Variants in PTPRT observed in about 807,000 individuals in gnomAD.
PTPRT encodes receptor-type tyrosine-protein phosphatase T.
In PTPRT, 56 loss-of-function variants were observed where a neutral mutation model predicts 176.8. The observed-to-expected ratio is 0.32, with a 90% confidence interval of 0.26 to 0.40. The LOEUF (loss-of-function observed/expected upper bound fraction) is 0.40, where lower values mean the gene tolerates loss of function less well. PTPRT is among the 10% of genes least tolerant of loss of function. The probability of loss-of-function intolerance (pLI) is 1.00; values close to 1 mark genes in which losing one functional copy is unlikely to be tolerated. For missense variants in PTPRT, 1,540 were observed against 1,908.2 expected, an observed-to-expected ratio of 0.81 and a Z score of 3.60; for synonymous variants, 783 against 739.0, an observed-to-expected ratio of 1.06 and a Z score of -0.96.
At chr20:42,088,600 G>A (rs1484431892) in intron 27 of PTPRT, among the ~76,000 whole-genome samples, 1 of 152,160 alleles carries the variant, frequency 6.6e-6, no homozygotes, top group Non-Finnish European at 1.5e-5. Context: ...GCATACTATT[G>A]CCCACAAGCC....
chr20:43,098,799 T>C (rs1304962057), intron 1 of PTPRT, among the ~76,000 whole-genome samples: 1 of 152,206 alleles, frequency 6.6e-6, no homozygotes, highest in Non-Finnish European at 1.5e-5. Flanking sequence ...TCCAGGACCC[T>C]GGGCTTAGTG....
chr20:42,854,825 A>T (rs777891070), intron 2 of PTPRT, among the ~76,000 whole-genome samples: 2 of 152,256 alleles, frequency 1.3e-5, no homozygotes. Context: ...GAAGCAAATT[A>T]AATTAAATTA....
At chr20:42,121,277 A>G (rs759940431) in intron 19 of PTPRT, among the ~76,000 whole-genome samples, 7 of 152,200 alleles carry the variant, frequency 4.6e-5, no homozygotes, top group African/African-American at 7.2e-5. Flanking sequence ...TCCAGGGGCA[A>G]TGTCATGACC....
chr20:42,461,280 T>C (rs140074266), intron 8 of PTPRT, among the ~76,000 whole-genome samples: 426 of 152,294 alleles, frequency 2.8e-3, no homozygotes, highest in African/African-American at 9.7e-3. Context: ...TGAGCCAAGA[T>C]CGTGCCATTG....
At chr20:42,600,149 T>C (rs1268661122) in intron 7 of PTPRT, among the ~76,000 whole-genome samples, 1 of 152,178 alleles carries the variant, frequency 6.6e-6, no homozygotes, top group Non-Finnish European at 1.5e-5. Flanking sequence ...TTTTGTTTTG[T>C]TTTGTTTTGA....
At chr20:42,726,977 A>G (rs2076390007) in intron 6 of PTPRT, among the ~76,000 whole-genome samples, 1 of 152,240 alleles carries the variant, frequency 6.6e-6, no homozygotes, top group Admixed American at 6.5e-5. Context: ...CAGACATGCT[A>G]TGAATAAATG....
intron 15 of PTPRT, among the ~76,000 whole-genome samples, 174 bp downstream of exon 15, chr20:42,236,055 G>T (rs531399547): frequency 6.6e-6 from 1 of 152,320 alleles, no homozygotes; most frequent in African/African-American, 2.4e-5. Context: ...CTTGAACAAT[G>T]ACAGTGCACT....
intron 20 of PTPRT, among the ~76,000 whole-genome samples, chr20:42,118,899 G>A (rs1021043967): frequency 2.0e-5 from 3 of 151,744 alleles, no homozygotes; most frequent in African/African-American, 4.8e-5. Context: ...CAACTGGGGT[G>A]GGGGGTGGAG....
chr20:42,543,805 AAAC>A (rs1031703824), intron 7 of PTPRT, among the ~76,000 whole-genome samples: 77 of 152,268 alleles, frequency 5.1e-4, no homozygotes, highest in African/African-American at 1.9e-3. Flanking sequence ...GCAGGCATGA[AAAC>A]AACGTTAATC....
intron 7 of PTPRT, among the ~76,000 whole-genome samples, chr20:42,507,671 G>A (rs2071871477): frequency 6.6e-6 from 1 of 152,188 alleles, no homozygotes; most frequent in East Asian, 1.9e-4. Flanking sequence ...AATCCTGTCT[G>A]CATTTTGTTC....
chr20:42,185,371 C>A (rs745672407), intron 16 of PTPRT, among the ~76,000 whole-genome samples: 1 of 152,192 alleles, frequency 6.6e-6, no homozygotes, highest in Admixed American at 6.5e-5. Flanking sequence ...CTGAAGATCA[C>A]CAGCTGATTT....
At chr20:42,776,290 G>C (rs900900001) in intron 4 of PTPRT, among the ~76,000 whole-genome samples, 1 of 152,092 alleles carries the variant, frequency 6.6e-6, no homozygotes, top group Non-Finnish European at 1.5e-5. Flanking sequence ...TTTATCTTTT[G>C]ATATATGACC....
chr20:42,856,918 G>C (rs2078573515), intron 2 of PTPRT, among the ~76,000 whole-genome samples: 1 of 152,166 alleles, frequency 6.6e-6, no homozygotes, highest in African/African-American at 2.4e-5. Flanking sequence ...GGAAGCAACA[G>C]CTGGGGTGCA....
intron 7 of PTPRT, among the ~76,000 whole-genome samples, chr20:42,492,462 T>C (rs2071576594): frequency 2.0e-5 from 3 of 151,850 alleles, no homozygotes; most frequent in African/African-American, 7.3e-5. Flanking sequence ...ATTTTCTTCA[T>C]GTTCCTTTTT....
At chr20:42,463,614 C>T (rs530815564) in intron 8 of PTPRT, among the ~76,000 whole-genome samples, 87 of 152,266 alleles carry the variant, frequency 5.7e-4, no homozygotes, top group Non-Finnish European at 9.1e-4. Flanking sequence ...CCCCTCCCCT[C>T]CTCTCCTCTC....
intron 16 of PTPRT, among the ~76,000 whole-genome samples, chr20:42,169,252 T>C (rs1161999267): frequency 6.6e-6 from 1 of 152,110 alleles, no homozygotes; most frequent in Non-Finnish European, 1.5e-5. Context: ...GAGACGCAGA[T>C]TCAGTGTTAG....
intron 7 of PTPRT, among the ~76,000 whole-genome samples, chr20:42,536,724 A>T (rs1158367297): frequency 6.6e-6 from 1 of 152,170 alleles, no homozygotes; most frequent in African/African-American, 2.4e-5. Context: ...ATGAGATGCC[A>T]TTTTTGGCTC....
intron 1 of PTPRT, among the ~76,000 whole-genome samples, chr20:42,925,476 A>G (rs1600562860): frequency 2.6e-5 from 4 of 152,270 alleles, no homozygotes; most frequent in Admixed American, 2.0e-4. Context: ...AAGCTCTAAA[A>G]CTCAGAGGCT....
chr20:42,105,267 G>A (rs1986333194), intron 24 of PTPRT, among the ~76,000 whole-genome samples: 1 of 152,140 alleles, frequency 6.6e-6, no homozygotes, highest in African/African-American at 2.4e-5. Context: ...GCCTTTGTTT[G>A]TTTCCTTCCC....
Sources: gnomAD v4.1 joint callset for allele counts (sites outside exome capture counted in the v4.1 genomes callset) on GRCh38, gnomAD v4.1.1 for gene constraint, MANE v1.5 for transcripts, NCBI Gene and HGNC (gene_info 2026-07-23, HGNC 2026-07-21) for gene names.